CDK6: variants seen among roughly 807,000 people sequenced by gnomAD.
CDK6 encodes cyclin-dependent kinase 6.
In CDK6, 6 loss-of-function variants were observed where a neutral mutation model predicts 37.1. The ratio of observed to expected loss-of-function variants is 0.16; its 90% CI spans 0.09 to 0.32. The LOEUF (loss-of-function observed/expected upper bound fraction) is 0.32, where lower values mean the gene tolerates loss of function less well. Among genes scored for constraint, CDK6 ranks in the 10% least tolerant of loss-of-function variants. The pLI, the probability that CDK6 is intolerant of heterozygous loss-of-function variation, is 1.00. For missense variants in CDK6, 224 were observed against 418.9 expected, an observed-to-expected ratio of 0.53 and a Z score of 4.06; for synonymous variants, 160 against 161.3, an observed-to-expected ratio of 0.99 and a Z score of 0.06.
chr7:92,728,568 T>C (rs1421021803), intron 3 of CDK6, among the ~76,000 whole-genome samples: 3 of 152,338 alleles, frequency 2.0e-5, no homozygotes, highest in Admixed American at 1.3e-4. Context: ...TTGGCACTTA[T>C]ACTACAGGTC....
chr7:92,738,028 C>T (rs1035005218), intron 3 of CDK6, among the ~76,000 whole-genome samples: 1 of 152,182 alleles, frequency 6.6e-6, no homozygotes, highest in African/African-American at 2.4e-5. Flanking sequence ...ATGGGGACTC[C>T]ATAGAGGTGG....
intron 4 of CDK6, among the ~76,000 whole-genome samples, chr7:92,705,638 T>C (rs1370388820): frequency 6.6e-6 from 1 of 152,232 alleles, no homozygotes; most frequent in Non-Finnish European, 1.5e-5. Context: ...TCCTGAATTA[T>C]GTTTCTACAC....
intron 4 of CDK6, among the ~76,000 whole-genome samples, chr7:92,700,773 G>A (rs1797823936): frequency 6.6e-6 from 1 of 152,218 alleles, no homozygotes; most frequent in Non-Finnish European, 1.5e-5. Context: ...GGAGAGGAGT[G>A]AGAGACGTGG....
intron 3 of CDK6, among the ~76,000 whole-genome samples, chr7:92,739,272 T>C (rs966043035): frequency 1.3e-5 from 2 of 152,266 alleles, no homozygotes; most frequent in African/African-American, 4.8e-5. Flanking sequence ...AGTCACATTC[T>C]GAGGCATCCC....
intron 4 of CDK6, among the ~76,000 whole-genome samples, chr7:92,689,599 G>A (rs976754996): frequency 1.3e-5 from 2 of 152,150 alleles, no homozygotes; most frequent in African/African-American, 2.4e-5. Flanking sequence ...GAACATGCAC[G>A]TGCATGTGTC....
chr7:92,672,166 TACACACACACACAC>T (rs1434883987), intron 4 of CDK6, among the ~76,000 whole-genome samples: 14 of 38,728 alleles, frequency 3.6e-4, no homozygotes, highest in Non-Finnish European at 5.2e-4. Context: ...TATATACACA[TACACACACACACAC>T]ACAGACACAT....
chr7:92,674,090 T>C (rs1442864616), intron 4 of CDK6, among the ~76,000 whole-genome samples: 4 of 150,342 alleles, frequency 2.7e-5, no homozygotes, highest in East Asian at 1.9e-4. Flanking sequence ...CTTTCTTCTT[T>C]TTTTTTTTTT....
chr7:92,752,042 T>C (rs902772920), intron 3 of CDK6, among the ~76,000 whole-genome samples: 1 of 152,196 alleles, frequency 6.6e-6, no homozygotes, highest in Admixed American at 6.5e-5. Context: ...TCTAATGGGT[T>C]GTGCAAGAGT....
intron 5 of CDK6, among the ~76,000 whole-genome samples, chr7:92,652,844 T>C (rs73710426): frequency 1.8e-3 from 267 of 152,350 alleles, no homozygotes; most frequent in African/African-American, 5.9e-3. Context: ...TGTATGGATT[T>C]TGATATCCTT....
chr7:92,787,497 ATTGT>A, intron 2 of CDK6, among the ~76,000 whole-genome samples: 2 of 152,186 alleles, frequency 1.3e-5, no homozygotes, highest in East Asian at 3.9e-4. Flanking sequence ...TGTATTTAGA[ATTGT>A]TTATGTTTGT....
intron 2 of CDK6, among the ~76,000 whole-genome samples, chr7:92,783,810 G>T (rs1800056512): frequency 6.6e-6 from 1 of 152,158 alleles, no homozygotes; most frequent in African/African-American, 2.4e-5. Context: ...TGTACTACTA[G>T]CTGGGCCTGA....
At chr7:92,640,340 T>C (rs75237922) in intron 5 of CDK6, among the ~76,000 whole-genome samples, 8,308 of 152,284 alleles carry the variant, frequency 0.055, 260 homozygotes, top group African/African-American at 0.061. Context: ...ACCAGGTTTT[T>C]CTCTTTATCA....
intron 2 of CDK6, among the ~76,000 whole-genome samples, chr7:92,795,779 A>T (rs1479856899): frequency 2.0e-5 from 3 of 152,186 alleles, no homozygotes; most frequent in African/African-American, 7.2e-5. Flanking sequence ...TAATTTAACC[A>T]GTTTTTCTTG....
intron 7 of CDK6, among the ~76,000 whole-genome samples, chr7:92,616,155 G>A (rs925209931): frequency 6.6e-6 from 1 of 151,960 alleles, no homozygotes; most frequent in Admixed American, 6.5e-5. Flanking sequence ...AAGTGAACTG[G>A]GTATATGAAA....
chr7:92,656,390 G>C (rs1373940143), intron 5 of CDK6, among the ~76,000 whole-genome samples: 1 of 152,078 alleles, frequency 6.6e-6, no homozygotes, highest in Non-Finnish European at 1.5e-5. Context: ...GGAGTTACTT[G>C]GTTTGTCACT....
At chr7:92,719,109 G>A (rs539586956) in intron 4 of CDK6, among the ~76,000 whole-genome samples, 23 of 152,326 alleles carry the variant, frequency 1.5e-4, no homozygotes, top group African/African-American at 5.1e-4. Context: ...CAGAGGCACA[G>A]GAAGGGGATG....
chr7:92,744,108 T>C (rs1798998778), intron 3 of CDK6, among the ~76,000 whole-genome samples: 2 of 152,188 alleles, frequency 1.3e-5, no homozygotes, highest in South Asian at 4.1e-4. Flanking sequence ...AGGACCTCCC[T>C]GGCAGGCTAA....
At chr7:92,740,440 C>T (rs372057391) in intron 3 of CDK6, among the ~76,000 whole-genome samples, 5 of 152,092 alleles carry the variant, frequency 3.3e-5, no homozygotes, top group Non-Finnish European at 4.4e-5. Context: ...GTTATGTGCC[C>T]GCCTCGTATA....
chr7:92,778,183 A>G (rs777939451), intron 2 of CDK6, among the ~76,000 whole-genome samples: 11 of 152,142 alleles, frequency 7.2e-5, no homozygotes, highest in Non-Finnish European at 1.0e-4. Flanking sequence ...AAAAAACAGA[A>G]CACCAACAAC....
Sources: gnomAD v4.1 joint callset for allele counts (sites outside exome capture counted in the v4.1 genomes callset) on GRCh38, gnomAD v4.1.1 for gene constraint, MANE v1.5 for transcripts, NCBI Gene and HGNC (gene_info 2026-07-23, HGNC 2026-07-21) for gene names.